The following PCDH9 variants were observed in gnomAD, a reference collection of about 807,000 sequenced individuals.
PCDH9 encodes the protein protocadherin-9.
In PCDH9, 24 loss-of-function variants were observed where a neutral mutation model predicts 70.6. The ratio of observed to expected loss-of-function variants is 0.34; its 90% CI spans 0.25 to 0.48. The LOEUF is 0.48. Among genes scored for constraint, PCDH9 ranks in the 20% least tolerant of loss-of-function variants. The pLI is 0.99. For synonymous variants in PCDH9, 562 were observed against 558.5 expected (o/e 1.01, Z -0.09); for missense variants, 1,281 against 1,503.6 (o/e 0.85, Z 2.45).
At chr13:66,409,792 A>G (rs901439125) in intron 4 of PCDH9, among the ~76,000 whole-genome samples, 3 of 152,196 alleles carry the variant, frequency 2.0e-5, no homozygotes, top group Non-Finnish European at 4.4e-5. Context: ...CTGTGCTCCC[A>G]TCTATGGCAT....
intron 3 of PCDH9, among the ~76,000 whole-genome samples, chr13:66,861,567 AG>A (rs1284037339): frequency 2.0e-5 from 3 of 152,252 alleles, no homozygotes; most frequent in East Asian, 3.9e-4. Flanking sequence ...AAGGGGGAAA[AG>A]GTTGTACTTA....
At chr13:66,721,913 A>C (rs911553667) in intron 3 of PCDH9, among the ~76,000 whole-genome samples, 1 of 152,162 alleles carries the variant, frequency 6.6e-6, no homozygotes. Flanking sequence ...CAATGACACG[A>C]GCATCCAATT....
chr13:66,461,336 A>G (rs953908566), intron 4 of PCDH9, among the ~76,000 whole-genome samples: 10 of 151,964 alleles, frequency 6.6e-5, no homozygotes, highest in Non-Finnish European at 1.0e-4. Context: ...TTAATCTTCA[A>G]GTTCCTCTGG....
intron 4 of PCDH9, among the ~76,000 whole-genome samples, chr13:66,412,995 T>C (rs1373496): frequency 6.6e-6 from 1 of 152,020 alleles, no homozygotes; most frequent in Non-Finnish European, 1.5e-5. Flanking sequence ...GTAGAGATTT[T>C]GATTAACAAG....
chr13:67,197,815 T>G (rs74093462), intron 2 of PCDH9, among the ~76,000 whole-genome samples: 7,513 of 152,026 alleles, frequency 0.049, 237 homozygotes, highest in Middle Eastern at 0.071. Flanking sequence ...CAATATTACA[T>G]GTATGTATTT....
intron 2 of PCDH9, among the ~76,000 whole-genome samples, chr13:67,096,024 A>G (rs1452388516): frequency 1.3e-5 from 2 of 152,212 alleles, no homozygotes; most frequent in Non-Finnish European, 2.9e-5. Flanking sequence ...ACAAGCACAT[A>G]TATAAGAGTC....
intron 4 of PCDH9, 150 bp from the exon 5 acceptor site, chr13:66,305,178 T>C: frequency 1.4e-6 from 1 of 728,452 alleles, no homozygotes; most frequent in Non-Finnish European, 2.2e-6. Context: ...TTCTCCATCT[T>C]TTAAAGATTA....
At chr13:66,738,397 C>G (rs1487954485) in intron 3 of PCDH9, among the ~76,000 whole-genome samples, 1 of 151,954 alleles carries the variant, frequency 6.6e-6, no homozygotes, top group East Asian at 1.9e-4. Context: ...GGGGAAAAAA[C>G]AGGACAGAAA....
intron 4 of PCDH9, among the ~76,000 whole-genome samples, chr13:66,507,888 A>AT (rs1173241728): frequency 2.0e-5 from 3 of 151,840 alleles, no homozygotes; most frequent in Non-Finnish European, 4.4e-5. Context: ...CGCCCAGCTA[A>AT]TTTTTTGTAT....
chr13:66,609,448 A>T (rs2077263728), intron 4 of PCDH9, among the ~76,000 whole-genome samples: 1 of 152,248 alleles, frequency 6.6e-6, no homozygotes, highest in East Asian at 1.9e-4. Context: ...TATAACTCAA[A>T]TGTCTACTAC....
rs1555270026 is a variant in PCDH9, at chr13:66,797,960, G to GTGTGT, written c.3138+105543_3138+105544insACACA. On this transcript the variant is annotated intron_variant, in intron 3 of 4. Coordinates refer to ENST00000377865, the MANE Select transcript of PCDH9 (RefSeq NM_203487.3). ...TGTGTTCTGTTTTTGTTTCTTGGGGGGTGTGTGTGTGTGTGTGTGTGTGTA... is the reference window on the plus strand; with the variant it reads ...TGTGTTCTGTTTTTGTTTCTTGGGGGTGTGTGTGTGTGTGTGTGTGTGTGTGTGTA... Among the ~76,000 whole-genome samples, 1,006 of 147,250 alleles carry GTGTGT rather than the reference G, an allele frequency of 6.8e-3. 12 individuals are homozygous for GTGTGT. The highest frequency in any genetic ancestry group is 0.023 in the African/African-American group (920 of 40,016).
chr13:66,955,895 C>T (rs563403675), intron 2 of PCDH9, among the ~76,000 whole-genome samples: 18 of 152,046 alleles, frequency 1.2e-4, no homozygotes, highest in Middle Eastern at 3.4e-3. Flanking sequence ...AGTTCGACAC[C>T]GGCCTGGCCA....
At chr13:66,395,524 C>T (rs1026819200) in intron 4 of PCDH9, among the ~76,000 whole-genome samples, 5 of 151,950 alleles carry the variant, frequency 3.3e-5, no homozygotes, top group Admixed American at 6.6e-5. Flanking sequence ...CGCTTGAACA[C>T]GGGAGGCAGA....
At chr13:66,411,646 G>A (rs775533313) in intron 4 of PCDH9, among the ~76,000 whole-genome samples, 26 of 104,706 alleles carry the variant, frequency 2.5e-4, no homozygotes, top group South Asian at 1.6e-3. Context: ...ATAGATGATG[G>A]ATAGATAGAT....
At chr13:66,501,254 G>A (rs1462050765) in intron 4 of PCDH9, among the ~76,000 whole-genome samples, 1 of 151,962 alleles carries the variant, frequency 6.6e-6, no homozygotes. Flanking sequence ...TTCCTGTGAG[G>A]GGAATTTCTC....
chr13:66,399,839 C>T (rs1957158305), intron 4 of PCDH9, among the ~76,000 whole-genome samples: 1 of 151,840 alleles, frequency 6.6e-6, no homozygotes, highest in Non-Finnish European at 1.5e-5. Context: ...CAAAAACAAA[C>T]AAATAAACAA....
chr13:66,985,349 T>A (rs1427219525), intron 2 of PCDH9: 2 of 152,122 alleles, frequency 1.3e-5, no homozygotes, highest in Non-Finnish European at 2.9e-5. Context: ...AAATATTAAT[T>A]TAAAATTTAT....
In PCDH9 at chr13:67,069,531, C is replaced by T. The variant is rs141124885; in HGVS notation, c.3036+155874G>A. 2.3e-4 allele frequency among the ~76,000 whole-genome samples: 35 copies of T among 152,176 alleles called. No individual in the cohort carries two copies. In the East Asian group the frequency reaches 5.6e-3, roughly 24 times the overall value. ...TCGAAACCATAGGGTAATAGGATTA[C>T]GTCAGCCTCAAAAGCATCAGACCAG... On this transcript the variant is annotated intron_variant, in intron 2 of 4. Transcript: ENST00000377865.
At chr13:66,440,239 T>C (rs185596086) in intron 4 of PCDH9, among the ~76,000 whole-genome samples, 5 of 152,242 alleles carry the variant, frequency 3.3e-5, no homozygotes, top group Non-Finnish European at 5.9e-5. Context: ...ACTTTTATCA[T>C]AAAGGAGTGT....
Sources: allele counts gnomAD v4.1 joint callset (sites outside exome capture counted in the v4.1 genomes callset), GRCh38; gene constraint gnomAD v4.1.1; transcripts MANE v1.5; gene names NCBI Gene and HGNC (gene_info 2026-07-23, HGNC 2026-07-21).